The following KIF25 variants were observed in gnomAD, a reference collection of about 807,000 sequenced individuals.
The protein encoded by KIF25 is kinesin family member 25.
KIF25 carries 19 observed loss-of-function variants against 32.9 expected under a neutral mutation model. The observed-to-expected ratio is 0.58, with a 90% CI of 0.40 to 0.85. The LOEUF is 0.85. KIF25 is among the 40% of genes least tolerant of loss of function. The probability of loss-of-function intolerance (pLI) is 0.00; values close to 1 mark genes in which losing one functional copy is unlikely to be tolerated. For synonymous variants in KIF25, 225 were observed against 213.7 expected (o/e 1.05, Z -0.46); for missense variants, 485 against 507.0 (o/e 0.96, Z 0.42).
chr6:168,001,189 T>C (rs1259967672), intron 2 of KIF25, among the ~76,000 whole-genome samples: 2 of 152,186 alleles, frequency 1.3e-5, no homozygotes, highest in Non-Finnish European at 2.9e-5. Flanking sequence ...CCAGAAGAAG[T>C]GTTTCCGATG....
In KIF25 at chr6:168,018,365, T is replaced by A. The variant is rs540818527; in HGVS notation, c.-95+325T>A. On this transcript the variant is annotated intron_variant, in intron 5 of 12. Transcript: ENST00000643607. ...GATTTTGCCCACCTGTAGGCTAATG[T>A]GTGTGTTCTGGGCACACTTAAGGCA... Among the ~76,000 whole-genome samples the A allele has an allele frequency of 2.6e-5, 4 of 152,286 alleles. No individual in the cohort carries two copies. In the East Asian group the frequency reaches 5.8e-4, roughly 22 times the overall value.
At chr6:168,039,819 C>G (rs7760020) in intron 9 of KIF25, among the ~76,000 whole-genome samples, 3,587 of 152,270 alleles carry the variant, frequency 0.024, 162 homozygotes, top group African/African-American at 0.082. Context: ...AGGTTAGCAA[C>G]CTCTGATTTT....
At chr6:168,027,490 G>C (rs1405936982) in intron 5 of KIF25, among the ~76,000 whole-genome samples, 1 of 147,296 alleles carries the variant, frequency 6.8e-6, no homozygotes, top group African/African-American at 2.5e-5. Flanking sequence ...GAGAGAGAAA[G>C]AAAAAGGGAA....
intron 4 of KIF25, among the ~76,000 whole-genome samples, chr6:168,006,917 T>C (rs1798587015): frequency 6.6e-6 from 1 of 152,348 alleles, no homozygotes; most frequent in Admixed American, 6.5e-5. Context: ...GTTATAGCCA[T>C]ACTTTAAAAT....
At chr6:168,011,504 G>T (rs1271084494) in intron 4 of KIF25, among the ~76,000 whole-genome samples, 4 of 152,152 alleles carry the variant, frequency 2.6e-5, no homozygotes, top group Non-Finnish European at 5.9e-5. Context: ...CTTTCAATCA[G>T]CAGTTTGACT....
chr6:168,019,545 A>C (rs905490394), intron 5 of KIF25, among the ~76,000 whole-genome samples: 7 of 152,130 alleles, frequency 4.6e-5, no homozygotes, highest in Non-Finnish European at 7.4e-5. Flanking sequence ...CAGCAACAGA[A>C]ATGACCAACG....
At chr6:168,036,474 T>G (rs1583143934) in intron 8 of KIF25, among the ~76,000 whole-genome samples, 1 of 152,354 alleles carries the variant, frequency 6.6e-6, no homozygotes, top group East Asian at 1.9e-4. Context: ...TTGCAGGACC[T>G]GGAGTCCTTT....
At chr6:168,021,200 T>C (rs1562385190) in intron 5 of KIF25, among the ~76,000 whole-genome samples, 1 of 152,246 alleles carries the variant, frequency 6.6e-6, no homozygotes, top group Non-Finnish European at 1.5e-5. Flanking sequence ...TTTTACTCTT[T>C]TAATGGTGGG....
At chr6:168,000,313 C>T (rs1583120993) in intron 2 of KIF25, among the ~76,000 whole-genome samples, 3 of 136,856 alleles carry the variant, frequency 2.2e-5, no homozygotes, top group Non-Finnish European at 4.7e-5. Flanking sequence ...CTGACCACAC[C>T]TGCCCCTCCC....
At chr6:168,030,379 G>T (rs1445743673) in intron 6 of KIF25, among the ~76,000 whole-genome samples, 1 of 151,698 alleles carries the variant, frequency 6.6e-6, no homozygotes, top group Non-Finnish European at 1.5e-5. Flanking sequence ...AGCTAATTTA[G>T]TTATGGGATA....
chr6:168,031,022 G>A (rs915851198), intron 7 of KIF25, among the ~76,000 whole-genome samples, 175 bp downstream of exon 7: 5 of 152,136 alleles, frequency 3.3e-5, no homozygotes, highest in African/African-American at 1.2e-4. Flanking sequence ...GACTATTTCC[G>A]CACCCTGGGA....
intron 5 of KIF25, among the ~76,000 whole-genome samples, chr6:168,023,269 CTTT>C (rs34667438): frequency 0.023 from 2,571 of 111,880 alleles, 69 homozygotes; most frequent in African/African-American, 0.073. Flanking sequence ...TTCCTTCTTC[CTTT>C]TTTTTTTTTT....
chr6:168,037,645 T>TTCTCTCTC (rs35282663), intron 8 of KIF25, among the ~76,000 whole-genome samples: 1 of 146,758 alleles, frequency 6.8e-6, no homozygotes, highest in African/African-American at 2.6e-5. Flanking sequence ...AAGGTTTTAT[T>TTCTCTCTC]TCTCTCTCTC....
chr6:168,040,003 AAG>A (rs1284831089), intron 9 of KIF25, 60 bp from the exon 10 acceptor site: 1 of 1,537,908 alleles, frequency 6.5e-7, no homozygotes, highest in Non-Finnish European at 8.8e-7. Flanking sequence ...GGAGTCTTGG[AAG>A]TCGCCTTAGG....
chr6:168,042,394 C>T (rs535317536), intron 11 of KIF25, among the ~76,000 whole-genome samples, 167 bp from the exon 12 acceptor site: 1 of 152,296 alleles, frequency 6.6e-6, no homozygotes, highest in East Asian at 1.9e-4. Flanking sequence ...AGCAGGAGCT[C>T]GCTTTGAGCT....
chr6:168,002,294 C>T (rs1420845835), intron 2 of KIF25, among the ~76,000 whole-genome samples: 3 of 134,212 alleles, frequency 2.2e-5, no homozygotes, highest in South Asian at 2.4e-4. Flanking sequence ...GGCGTAGCCT[C>T]GGGCAGGTGA....
intron 5 of KIF25, among the ~76,000 whole-genome samples, chr6:168,023,429 G>A (rs890546806): frequency 5.3e-5 from 8 of 152,002 alleles, no homozygotes; most frequent in African/African-American, 1.7e-4. Flanking sequence ...CATCACATCC[G>A]GCTAATTTTT....
chr6:168,033,929 G>C lies in KIF25; in HGVS notation c.215G>C (p.Ser72Thr), dbSNP rs371379317. ...TATGGACAGACGGGCAGCGGAAAGA[G>C]CTATACCATGCTGGGACGCCATTCG... The part of the protein sequence containing the change: ...MAYGQTGSGK[S>T]YTMLGRHSDD... Residue 72 changes from serine to threonine, a missense_variant, in exon 8 of 13, where the codon AGC becomes ACC. Coordinates refer to ENST00000643607, the MANE Select transcript of KIF25 (RefSeq NM_030615.4). 12 of 1,614,072 alleles carry C rather than the reference G, an allele frequency of 7.4e-6. No homozygotes were observed. Among genetic ancestry groups the C allele is most frequent in the Non-Finnish European group, 1.0e-5 (12 of 1,180,036 alleles).
chr6:168,026,587 T>A (rs1429080307), intron 5 of KIF25, among the ~76,000 whole-genome samples: 1 of 152,126 alleles, frequency 6.6e-6, no homozygotes, highest in African/African-American at 2.4e-5. Flanking sequence ...CTAAAAAAAA[T>A]TCCAACACTT....
Sources: allele counts gnomAD v4.1 joint callset (sites outside exome capture counted in the v4.1 genomes callset), GRCh38; gene constraint gnomAD v4.1.1; transcripts MANE v1.5; gene names NCBI Gene and HGNC (gene_info 2026-07-23, HGNC 2026-07-21).